Variants in HECW1 observed in about 807,000 individuals in gnomAD.
The protein encoded by HECW1 is HECT, C2 and WW domain containing E3 ubiquitin protein ligase 1.
In HECW1, 61 loss-of-function variants were observed where a neutral mutation model predicts 182.3. The ratio of observed to expected loss-of-function variants is 0.33; its 90% CI spans 0.27 to 0.41. The LOEUF is 0.41. Ranked by LOEUF, HECW1 falls within the 10% of genes least tolerant of loss-of-function variation. The probability of loss-of-function intolerance (pLI) is 1.00; values close to 1 mark genes in which losing one functional copy is unlikely to be tolerated. For synonymous variants in HECW1, 859 were observed against 832.6 expected, an observed-to-expected ratio of 1.03 and a Z score of -0.55; for missense variants, 1,739 against 2,108.9, an observed-to-expected ratio of 0.82 and a Z score of 3.44.
chr7:43,164,571 C>T (rs1282005401), intron 2 of HECW1, among the ~76,000 whole-genome samples: 2 of 152,214 alleles, frequency 1.3e-5, no homozygotes, highest in South Asian at 2.1e-4. Flanking sequence ...ACACACCCCT[C>T]CCTCCTTCCT....
At chr7:43,214,983 C>T (rs971085237) in intron 2 of HECW1, among the ~76,000 whole-genome samples, 7 of 152,202 alleles carry the variant, frequency 4.6e-5, no homozygotes, top group African/African-American at 1.7e-4. Context: ...CAAAGTGGGA[C>T]AGAAGAGGCA....
chr7:43,119,368 C>T (rs776224251), intron 2 of HECW1, among the ~76,000 whole-genome samples: 3 of 152,238 alleles, frequency 2.0e-5, no homozygotes, highest in Non-Finnish European at 4.4e-5. Context: ...ACACCAGATT[C>T]TCCTGGTGTT....
Position 43,264,909 on chromosome 7 carries a change from A to C in HECW1, c.27+20977A>C, listed in dbSNP as rs561987171. ...TTCTTGCAGTCTGCTTCCCCTTCTAAAATATCTGAGGATAATTAGTCTAGA... is the reference window on the plus strand; with the variant it reads ...TTCTTGCAGTCTGCTTCCCCTTCTACAATATCTGAGGATAATTAGTCTAGA... On this transcript the variant is annotated intron_variant, in intron 3 of 29. Transcript: ENST00000395891. Among the ~76,000 whole-genome samples the C allele has an allele frequency of 1.3e-4, 20 of 152,024 alleles. No individual in the cohort carries two copies. The South Asian group carries it at 2.1e-3, about 16-fold the overall frequency.
intron 19 of HECW1, among the ~76,000 whole-genome samples, chr7:43,499,383 C>T (rs1030570659): frequency 1.3e-5 from 2 of 151,810 alleles, no homozygotes; most frequent in African/African-American, 2.4e-5. Context: ...GCACAAGAAT[C>T]GTTTGAACGC....
chr7:43,344,428 T>C (rs1023370599), intron 5 of HECW1, among the ~76,000 whole-genome samples: 1 of 148,864 alleles, frequency 6.7e-6, no homozygotes, highest in African/African-American at 2.6e-5. Flanking sequence ...TTTCTGTTTG[T>C]GTTAAGAAGT....
chr7:43,276,933 G>A (rs1031232550), intron 3 of HECW1, among the ~76,000 whole-genome samples: 6 of 152,152 alleles, frequency 3.9e-5, no homozygotes, highest in Admixed American at 3.3e-4. Context: ...AAATACAGGC[G>A]TCTCTAATCC....
chr7:43,515,529 T>C (rs2080104034), intron 24 of HECW1, among the ~76,000 whole-genome samples: 1 of 152,220 alleles, frequency 6.6e-6, no homozygotes, highest in African/African-American at 2.4e-5. Flanking sequence ...AACTTGGTGA[T>C]AGATTATAAA....
chr7:43,152,221 A>G (rs1311854827), intron 2 of HECW1, among the ~76,000 whole-genome samples: 1 of 152,128 alleles, frequency 6.6e-6, no homozygotes, highest in Non-Finnish European at 1.5e-5. Context: ...ATGTTCAAGG[A>G]CCTATACCAC....
chr7:43,245,827 T>G (rs1799330437), intron 3 of HECW1: 1 of 152,158 alleles, frequency 6.6e-6, no homozygotes, highest in African/African-American at 2.4e-5. Context: ...AGCAACCTTA[T>G]TTCCAGGTTT....
In HECW1 at chr7:43,319,601, C is replaced by CTTTTTTTTTTTTTTTTTTTT. The variant is rs796502195; in HGVS notation, c.353-1029_353-1010dup. Among the ~76,000 whole-genome samples, 49 of 47,454 alleles carry CTTTTTTTTTTTTTTTTTTTT rather than the reference C, an allele frequency of 1.0e-3. 6 individuals carry two copies. Among genetic ancestry groups the CTTTTTTTTTTTTTTTTTTTT allele is most frequent in the African/African-American group, 5.3e-3 (42 of 7,896 alleles). 31.1% of individuals were successfully genotyped at this position (47,454 alleles called of 152,430 possible). A position where few individuals can be genotyped will look rare whatever the true frequency, so the allele number is the denominator to read the frequency against. On this transcript the variant is annotated intron_variant, in intron 4 of 29. Transcript: ENST00000395891. ...CTGTTCTTTTCCTTTCTTTTCTTTT[C>CTTTTTTTTTTTTTTTTTTTT]TTTTTTTTTTTTTTTTTTTTTTTTG...
chr7:43,332,784 C>T (rs1811661600), intron 5 of HECW1, among the ~76,000 whole-genome samples: 1 of 152,226 alleles, frequency 6.6e-6, no homozygotes, highest in African/African-American at 2.4e-5. Flanking sequence ...AGCAGCTAAA[C>T]TTCTTTGAGC....
At chr7:43,560,566 G>A (rs1020089415) in intron 29 of HECW1, among the ~76,000 whole-genome samples, 9 of 152,034 alleles carry the variant, frequency 5.9e-5, no homozygotes, top group African/African-American at 2.2e-4. Flanking sequence ...TCGATGGGCA[G>A]GAAACCCCAC....
At chr7:43,440,804 C>T (rs1375243623) in intron 9 of HECW1, among the ~76,000 whole-genome samples, 3 of 152,112 alleles carry the variant, frequency 2.0e-5, no homozygotes, top group Non-Finnish European at 4.4e-5. Context: ...CTATTTTTTT[C>T]TGCACATAAT....
At chr7:43,346,582 A>G (rs1236545694) in intron 5 of HECW1, among the ~76,000 whole-genome samples, 3 of 152,172 alleles carry the variant, frequency 2.0e-5, no homozygotes, top group Non-Finnish European at 4.4e-5. Context: ...CAATGTCTAG[A>G]AAGTTTTTTC....
intron 3 of HECW1, among the ~76,000 whole-genome samples, chr7:43,284,183 CT>C (rs1286553136): frequency 6.6e-6 from 1 of 152,008 alleles, no homozygotes; most frequent in African/African-American, 2.4e-5. Context: ...AATGGGAGGA[CT>C]GTTTTTCCCA....
intron 14 of HECW1, among the ~76,000 whole-genome samples, chr7:43,465,304 A>G (rs1043551793): frequency 6.6e-6 from 1 of 152,198 alleles, no homozygotes; most frequent in Admixed American, 6.5e-5. Context: ...CAGGTTGGCA[A>G]TTTGAGCTGA....
intron 4 of HECW1, among the ~76,000 whole-genome samples, chr7:43,317,876 T>C (rs1809547842): frequency 1.3e-5 from 2 of 151,596 alleles, no homozygotes; most frequent in South Asian, 4.2e-4. Flanking sequence ...CATCCTTTGC[T>C]GATTCTTCCC....
At chr7:43,492,870 A>T (rs953592667) in intron 18 of HECW1, among the ~76,000 whole-genome samples, 1 of 152,200 alleles carries the variant, frequency 6.6e-6, no homozygotes, top group Non-Finnish European at 1.5e-5. Context: ...ATTAACAGAG[A>T]TCTGGTTCAC....
At chr7:43,202,933 A>T (rs1448539760) in intron 2 of HECW1, among the ~76,000 whole-genome samples, 1 of 151,686 alleles carries the variant, frequency 6.6e-6, no homozygotes, top group Non-Finnish European at 1.5e-5. Context: ...ACCCCCTTTG[A>T]CTGTAATTTT....
Sources: gnomAD v4.1 joint callset for allele counts (sites outside exome capture counted in the v4.1 genomes callset) on GRCh38, gnomAD v4.1.1 for gene constraint, MANE v1.5 for transcripts, NCBI Gene and HGNC (gene_info 2026-07-23, HGNC 2026-07-21) for gene names.